The following SLCO1B3 variants were observed in gnomAD, a reference collection of about 807,000 sequenced individuals.
The protein encoded by SLCO1B3 is liver-specific organic anion transporter 2.
In SLCO1B3, 72 loss-of-function variants were observed where a neutral mutation model predicts 71.8. That is an observed-to-expected ratio of 1.00 (90% CI 0.83 to 1.22). The LOEUF (loss-of-function observed/expected upper bound fraction) is 1.22. Ranked by LOEUF, SLCO1B3 falls within the 50% of genes most tolerant of loss-of-function variation. The pLI, the probability that SLCO1B3 is intolerant of heterozygous loss-of-function variation, is 0.00. For missense variants in SLCO1B3, 911 were observed against 819.7 expected (o/e 1.11, Z -1.36); for synonymous variants, 298 against 278.4 (o/e 1.07, Z -0.70).
intron 15 of SLCO1B3, among the ~76,000 whole-genome samples, chr12:20,915,207 CT>C (rs1310803013): frequency 1.3e-5 from 2 of 151,750 alleles, no homozygotes; most frequent in Non-Finnish European, 1.5e-5. Flanking sequence ...TTTTTCTTTG[CT>C]TTTTTTATTG....
At chr12:20,858,672 G>A in intron 5 of SLCO1B3, 101 bp downstream of exon 5, 2 of 1,096,154 alleles carry the variant, frequency 1.8e-6, no homozygotes, top group Non-Finnish European at 2.7e-6. Context: ...CCTTTTGAGA[G>A]GAATACCTAT....
At chr12:20,862,284 A>G (rs1865281885) in intron 6 of SLCO1B3, 128 bp from the exon 7 acceptor site, 4 of 1,093,896 alleles carry the variant, frequency 3.7e-6, no homozygotes, top group Non-Finnish European at 5.2e-6. Flanking sequence ...TGTAAAGTGA[A>G]TATGAATCAC....
intron 3 of SLCO1B3, among the ~76,000 whole-genome samples, chr12:20,851,381 T>C (rs1366413866): frequency 6.6e-6 from 1 of 152,194 alleles, no homozygotes; most frequent in Non-Finnish European, 1.5e-5. Context: ...GGGTGATAGC[T>C]CATGGTAGTT....
intron 13 of SLCO1B3, among the ~76,000 whole-genome samples, chr12:20,886,100 G>T (rs1565602563): frequency 2.0e-5 from 3 of 152,150 alleles, no homozygotes; most frequent in South Asian, 2.1e-4. Flanking sequence ...ATTGAATGTG[G>T]CATGTGACAA....
intron 3 of SLCO1B3, among the ~76,000 whole-genome samples, chr12:20,830,047 T>C (rs922501415): frequency 2.0e-5 from 3 of 152,188 alleles, no homozygotes; most frequent in Non-Finnish European, 4.4e-5. Flanking sequence ...AATGCCTTAA[T>C]TGTCGGGGAC....
intron 2 of SLCO1B3, among the ~76,000 whole-genome samples, chr12:20,814,611 C>T (rs1291589062): frequency 6.6e-6 from 1 of 152,228 alleles, no homozygotes; most frequent in Non-Finnish European, 1.5e-5. Flanking sequence ...CATATTAAGG[C>T]TGGGCGCGGT....
chr12:20,847,344 G>C (rs981954300), intron 3 of SLCO1B3, among the ~76,000 whole-genome samples: 1 of 152,276 alleles, frequency 6.6e-6, no homozygotes, highest in Admixed American at 6.5e-5. Context: ...GCCTTTGGCA[G>C]GTAAATAGAT....
intron 11 of SLCO1B3, among the ~76,000 whole-genome samples, chr12:20,880,226 A>G (rs1865663073): frequency 6.6e-6 from 1 of 151,450 alleles, no homozygotes; most frequent in Non-Finnish European, 1.5e-5. Context: ...TATAAAGTAA[A>G]TCAGTATAAA....
chr12:20,865,357 T>C (rs1865351246), intron 8 of SLCO1B3, among the ~76,000 whole-genome samples: 1 of 152,146 alleles, frequency 6.6e-6, no homozygotes. Flanking sequence ...CTAAATAGTT[T>C]TAAATCAATT....
chr12:20,821,641 C>T (rs544688381), intron 3 of SLCO1B3, among the ~76,000 whole-genome samples: 154 of 152,144 alleles, frequency 1.0e-3, no homozygotes, highest in Admixed American at 2.6e-3. Context: ...TTGAGGGGTA[C>T]TTGCCCCTCC....
At chr12:20,884,166 T>C (rs985232036) in intron 13 of SLCO1B3, among the ~76,000 whole-genome samples, 1 of 152,168 alleles carries the variant, frequency 6.6e-6, no homozygotes, top group Non-Finnish European at 1.5e-5. Context: ...TGATGTTCGA[T>C]GAAGAATATT....
intron 8 of SLCO1B3, among the ~76,000 whole-genome samples, chr12:20,872,029 C>T (rs553376048): frequency 6.6e-5 from 10 of 151,942 alleles, no homozygotes; most frequent in Non-Finnish European, 1.5e-4. Flanking sequence ...AGGATTGGAG[C>T]AAAAAACCCT....
chr12:20,833,782 C>T (rs906593402), intron 3 of SLCO1B3, among the ~76,000 whole-genome samples: 2 of 132,098 alleles, frequency 1.5e-5, no homozygotes, highest in Admixed American at 1.5e-4. Context: ...TATCATCTAT[C>T]TCTCTATTTC....
At chr12:20,897,368 G>A (rs1337433546) in intron 13 of SLCO1B3, among the ~76,000 whole-genome samples, 1 of 152,148 alleles carries the variant, frequency 6.6e-6, no homozygotes, top group African/African-American at 2.4e-5. Context: ...AAGGTATAGA[G>A]GCAAATATGT....
intron 14 of SLCO1B3, 121 bp from the exon 15 acceptor site, chr12:20,901,229 A>G: frequency 1.5e-6 from 1 of 689,592 alleles, no homozygotes; most frequent in Non-Finnish European, 2.5e-6. Flanking sequence ...AAGCCAAACC[A>G]ATGGAATAAT....
intron 3 of SLCO1B3, among the ~76,000 whole-genome samples, chr12:20,828,269 C>T (rs1471656764): frequency 6.7e-6 from 1 of 149,864 alleles, no homozygotes; most frequent in East Asian, 2.0e-4. Flanking sequence ...CTTAAACACC[C>T]ATGAATAGCA....
chr12:20,913,366 T>A (rs1476263109), intron 15 of SLCO1B3, among the ~76,000 whole-genome samples: 1 of 152,228 alleles, frequency 6.6e-6, no homozygotes, highest in Admixed American at 6.5e-5. Context: ...TTTAAAATTA[T>A]AATTTCCAAG....
At chr12:20,913,142 A>G (rs1238822803) in intron 15 of SLCO1B3, among the ~76,000 whole-genome samples, 1 of 152,030 alleles carries the variant, frequency 6.6e-6, no homozygotes, top group Non-Finnish European at 1.5e-5. Context: ...GTCTGATTGA[A>G]TTTTGCCTGG....
intron 3 of SLCO1B3, among the ~76,000 whole-genome samples, chr12:20,852,066 A>G (rs1306379916): frequency 1.3e-5 from 2 of 152,210 alleles, no homozygotes; most frequent in East Asian, 1.9e-4. Context: ...GCTCTGCAGT[A>G]TATTTTGAAA....
Sources: gnomAD v4.1 joint callset for allele counts (sites outside exome capture counted in the v4.1 genomes callset) on GRCh38, gnomAD v4.1.1 for gene constraint, MANE v1.5 for transcripts, NCBI Gene and HGNC (gene_info 2026-07-23, HGNC 2026-07-21) for gene names.